Variants in PIK3CB observed in about 807,000 individuals in gnomAD.
PIK3CB encodes phosphatidylinositol 4,5-bisphosphate 3-kinase catalytic subunit beta isoform.
A neutral mutation model predicts 136.8 loss-of-function variants in PIK3CB; 39 were observed. The observed-to-expected ratio is 0.29, with a 90% confidence interval of 0.22 to 0.37. PIK3CB has a LOEUF of 0.37. Among genes scored for constraint, PIK3CB ranks in the 10% least tolerant of loss-of-function variants. The probability of loss-of-function intolerance (pLI) is 1.00; values close to 1 mark genes in which losing one functional copy is unlikely to be tolerated. For missense variants in PIK3CB, 868 were observed against 1,275.4 expected (o/e 0.68, Z 4.87); for synonymous variants, 428 against 436.6 (o/e 0.98, Z 0.25).
In PIK3CB at chr3:138,734,776, G is replaced by C. The variant is rs2108645376; in HGVS notation, c.830C>G (p.Ala277Gly). The change falls in exon 7 of 24, where the codon GCC becomes GGC. Residue 277 changes from alanine (A) to glycine (G), a missense_variant. Physicochemically the swap from Ala to Gly is moderately conservative, Grantham distance 60. Transcript: ENST00000674063. ...QYIRNCVMNR[A>G]LPHFILVECC... ...TTCCACAAGTATAAAATGGGGCAGG[G>C]CTCTGTTCATCACACAGTTCCGGAT... The C allele has an allele frequency of 6.2e-7, 1 of 1,612,968 alleles. No homozygotes were observed.
At chr3:138,832,641 AC>A (rs979995131) in intron 1 of PIK3CB, among the ~76,000 whole-genome samples, 9 of 151,966 alleles carry the variant, frequency 5.9e-5, no homozygotes, top group African/African-American at 1.9e-4. Context: ...ACCCTGACCA[AC>A]ATGGAGAAAC....
chr3:138,731,687 T>G lies in PIK3CB; in HGVS notation c.1050+1674A>C, dbSNP rs185704433. On this transcript the variant is annotated intron_variant, in intron 8 of 23. Transcript: ENST00000674063. ...GTTAACCGGCCATAAACATGCTCAT[T>G]AAAAAGAAAAATCTAGGCTGGGCGC... is the stretch of plus-strand genomic sequence containing the variant. Among the ~76,000 whole-genome samples, 112 of 151,780 alleles carry G rather than the reference T, an allele frequency of 7.4e-4. 3 individuals carry two copies. The East Asian group carries it at 0.02, about 27-fold the overall frequency.
At chr3:138,766,201 C>A (rs1416173194) in intron 2 of PIK3CB, among the ~76,000 whole-genome samples, 1 of 152,110 alleles carries the variant, frequency 6.6e-6, no homozygotes, top group Non-Finnish European at 1.5e-5. Context: ...TAATGTTTGA[C>A]TATAAAACTG....
At chr3:138,785,108 C>A (rs1183585129) in intron 2 of PIK3CB, among the ~76,000 whole-genome samples, 2 of 151,542 alleles carry the variant, frequency 1.3e-5, no homozygotes, top group Non-Finnish European at 2.9e-5. Context: ...TGGGGGGCAG[C>A]CCCCGCTCGG....
chr3:138,699,744 AAT>A (rs1313847489), intron 12 of PIK3CB, among the ~76,000 whole-genome samples: 1 of 152,208 alleles, frequency 6.6e-6, no homozygotes, highest in Non-Finnish European at 1.5e-5. Flanking sequence ...TGGATAAATA[AAT>A]ATATCTCTGT....
At chr3:138,806,204 C>T (rs1176212849) in intron 1 of PIK3CB, among the ~76,000 whole-genome samples, 2 of 151,780 alleles carry the variant, frequency 1.3e-5, no homozygotes, top group Non-Finnish European at 2.9e-5. Flanking sequence ...TAAGAGAAAT[C>T]GGCCGGGTGA....
intron 12 of PIK3CB, among the ~76,000 whole-genome samples, chr3:138,703,877 G>A (rs111979146): frequency 2.0e-4 from 30 of 152,254 alleles, no homozygotes; most frequent in African/African-American, 6.7e-4. Flanking sequence ...GTAAGATCTG[G>A]CCAATGACAT....
At chr3:138,784,910 C>T (rs1166420186) in intron 2 of PIK3CB, among the ~76,000 whole-genome samples, 1 of 152,140 alleles carries the variant, frequency 6.6e-6, no homozygotes, top group African/African-American at 2.4e-5. Flanking sequence ...GTGAGGAGCC[C>T]CTCTGCCCGG....
At chr3:138,669,179 A>C (rs138394275) in intron 19 of PIK3CB, among the ~76,000 whole-genome samples, 2 of 152,124 alleles carry the variant, frequency 1.3e-5, no homozygotes, top group Non-Finnish European at 2.9e-5. Flanking sequence ...TGGGAGGCCA[A>C]GGTGGGCGGA....
At position 138,654,362 on chromosome 3, in the gene PIK3CB, C is replaced by T. The variant is rs924625183; in HGVS notation, c.*1027G>A. The T allele has an allele frequency of 4.5e-6, 1 of 222,706 alleles. No individual in the cohort carries two copies. The highest frequency in any genetic ancestry group is 9.0e-6 in the Non-Finnish European group (1 of 111,542). The allele number at this position is 222,706 out of a possible 1,614,324, so 13.8% of individuals were successfully genotyped here. ...ATTTCCGTGTGGCGTGAAACCATTTCAATTTGAACTAATATCCTTGAAAAA... is the reference window on the plus strand; with the variant it reads ...ATTTCCGTGTGGCGTGAAACCATTTTAATTTGAACTAATATCCTTGAAAAA... On this transcript the variant is annotated 3_prime_UTR_variant, in exon 24 of 24. Transcript: ENST00000674063.
At chr3:138,786,593 A>G (rs915506571) in intron 2 of PIK3CB, among the ~76,000 whole-genome samples, 1 of 151,820 alleles carries the variant, frequency 6.6e-6, no homozygotes, top group African/African-American at 2.4e-5. Context: ...TCATCCACCC[A>G]CCTCGGCCTC....
intron 12 of PIK3CB, among the ~76,000 whole-genome samples, chr3:138,700,701 AG>A (rs2044232450): frequency 8.8e-6 from 1 of 113,278 alleles, no homozygotes; most frequent in Non-Finnish European, 1.9e-5. Flanking sequence ...AAAGATAGAT[AG>A]ATAGATAGAT....
At chr3:138,825,550 A>G in intron 1 of PIK3CB, 2 of 652,690 alleles carry the variant, frequency 3.1e-6, no homozygotes, top group Non-Finnish European at 5.6e-6. Flanking sequence ...CAACATGCTG[A>G]AGCCAAGTGA....
At chr3:138,720,827 C>T (rs1298059116) in intron 8 of PIK3CB, among the ~76,000 whole-genome samples, 3 of 151,972 alleles carry the variant, frequency 2.0e-5, no homozygotes, top group African/African-American at 7.3e-5. Context: ...GAGATTGTGC[C>T]ACTGCATGCC....
At chr3:138,763,684 T>C (rs2045691855) in intron 2 of PIK3CB, among the ~76,000 whole-genome samples, 1 of 152,214 alleles carries the variant, frequency 6.6e-6, no homozygotes, top group Admixed American at 6.5e-5. Flanking sequence ...TGAGACATAA[T>C]GCCCAGAGCA....
rs1047500471 is a variant in PIK3CB, at chr3:138,654,091, C to T, written c.*1298G>A. On this transcript the variant is annotated 3_prime_UTR_variant, in exon 24 of 24. Transcript: ENST00000674063. ...CATTAAGAAGGACAACAAAATTAAA[C>T]ATTCTTTAATAAAATTCCTATAGAA... The T allele has an allele frequency of 1.0e-4, 20 of 195,936 alleles. No individual in the cohort carries two copies. Among genetic ancestry groups the T allele is most frequent in the Middle Eastern group, 1.9e-3 (1 of 538 alleles). The allele number at this position is 195,936 out of a possible 1,614,324, so 12.1% of individuals were successfully genotyped here. A position where few individuals can be genotyped will look rare whatever the true frequency, so the allele number is the denominator to read the frequency against.
intron 4 of PIK3CB, among the ~76,000 whole-genome samples, chr3:138,752,348 T>C (rs1317035373): frequency 6.6e-6 from 1 of 152,186 alleles, no homozygotes; most frequent in African/African-American, 2.4e-5. Context: ...GTTCCTAAAG[T>C]TAAACTGAAA....
intron 1 of PIK3CB, among the ~76,000 whole-genome samples, chr3:138,817,027 C>T (rs1305372810): frequency 8.6e-5 from 13 of 150,738 alleles, no homozygotes; most frequent in African/African-American, 3.2e-4. Context: ...ATGGAGAAAC[C>T]CCGTCTCTAC....
intron 3 of PIK3CB, among the ~76,000 whole-genome samples, chr3:138,757,196 G>C (rs2045584567): frequency 6.6e-6 from 1 of 152,106 alleles, no homozygotes; most frequent in African/African-American, 2.4e-5. Context: ...ATGAGGTCAA[G>C]AAATCAAGAC....
Sources: gnomAD v4.1 joint callset for allele counts (sites outside exome capture counted in the v4.1 genomes callset) on GRCh38, gnomAD v4.1.1 for gene constraint, MANE v1.5 for transcripts, NCBI Gene and HGNC (gene_info 2026-07-23, HGNC 2026-07-21) for gene names.